RFX7: variants seen among roughly 807,000 people sequenced by gnomAD.
RFX7 encodes DNA-binding protein RFX7.
Under a neutral mutation model 111.8 loss-of-function variants are expected in RFX7, and 26 were observed. The observed-to-expected ratio is 0.23, with a 90% CI of 0.17 to 0.32. The LOEUF (loss-of-function observed/expected upper bound fraction) is 0.32, where lower values mean the gene tolerates loss of function less well. Among genes scored for constraint, RFX7 ranks in the 10% least tolerant of loss-of-function variants. The probability of loss-of-function intolerance (pLI) is 1.00; values close to 1 mark genes in which losing one functional copy is unlikely to be tolerated. For missense variants in RFX7, 1,573 were observed against 1,772.9 expected (o/e 0.89, Z 2.02); for synonymous variants, 624 against 624.4 (o/e 1.00, Z 0.01).
chr15:56,227,462 G>C (rs1338952036), intron 2 of RFX7, among the ~76,000 whole-genome samples: 1 of 152,218 alleles, frequency 6.6e-6, no homozygotes, highest in South Asian at 2.1e-4. Context: ...TTCTGAATTT[G>C]AGCATTTTAT....
chr15:56,137,506 T>C (rs545665207), intron 5 of RFX7, among the ~76,000 whole-genome samples: 1 of 152,328 alleles, frequency 6.6e-6, no homozygotes, highest in East Asian at 1.9e-4. Context: ...TCTTCTCTCT[T>C]TTTTTCTTAT....
intron 2 of RFX7, among the ~76,000 whole-genome samples, chr15:56,205,731 A>G (rs2043243504): frequency 6.6e-6 from 1 of 152,188 alleles, no homozygotes; most frequent in Admixed American, 6.5e-5. Flanking sequence ...TTAGTGAAGC[A>G]TGACTAAGAA....
chr15:56,097,266 T>C (rs768844216), intron 9 of RFX7, among the ~76,000 whole-genome samples: 1 of 152,196 alleles, frequency 6.6e-6, no homozygotes, highest in African/African-American at 2.4e-5. Flanking sequence ...TTGTGTGAGA[T>C]AGGAAAGGAG....
At chr15:56,176,887 G>A (rs2042908827) in intron 3 of RFX7, among the ~76,000 whole-genome samples, 1 of 151,380 alleles carries the variant, frequency 6.6e-6, no homozygotes, top group South Asian at 2.1e-4. Context: ...TAATTTTCCT[G>A]CTTTTACTCA....
intron 5 of RFX7, among the ~76,000 whole-genome samples, chr15:56,112,787 T>C (rs746886175): frequency 1.3e-5 from 2 of 151,934 alleles, no homozygotes; most frequent in African/African-American, 2.4e-5. Flanking sequence ...AGAATTTACA[T>C]GGGACTTAAA....
At chr15:56,165,203 C>G (rs2042769509) in intron 3 of RFX7, among the ~76,000 whole-genome samples, 1 of 152,220 alleles carries the variant, frequency 6.6e-6, no homozygotes, top group Non-Finnish European at 1.5e-5. Flanking sequence ...TGCTCACTTA[C>G]TGCTGTGTGG....
chr15:56,095,080 G>T lies in RFX7; in HGVS notation c.2648C>A (p.Thr883Lys). ...CAGCTCTTCCACAATACTATCTTGT[G>T]TAAGTTCATCATCAAAAGGAAAGTA... ...ESYFPFDDEL[T>K]QDSIVEELVL... The change falls in exon 10 of 10, where the codon ACA becomes AAA. Residue 883 changes from threonine to lysine, a missense_variant. Thr to Lys is a moderately conservative substitution (Grantham distance 78). Coordinates refer to ENST00000559447, the MANE Select transcript of RFX7 (RefSeq NM_022841.7). The T allele has an allele frequency of 6.2e-7, 1 of 1,613,912 alleles. No homozygotes were observed. Among genetic ancestry groups the T allele is most frequent in the Non-Finnish European group, 8.5e-7 (1 of 1,179,856 alleles).
At chr15:56,235,798 T>C (rs551246935) in intron 2 of RFX7, among the ~76,000 whole-genome samples, 2 of 152,336 alleles carry the variant, frequency 1.3e-5, no homozygotes, top group South Asian at 4.1e-4. Flanking sequence ...CGTGTTGGAA[T>C]GGGTGTAAAG....
chr15:56,109,975 C>T (rs1242994921), intron 5 of RFX7, among the ~76,000 whole-genome samples: 18 of 141,170 alleles, frequency 1.3e-4, no homozygotes, highest in Admixed American at 1.2e-3. Context: ...GGGGGATCAG[C>T]CCCCTGCCCG....
chr15:56,127,079 A>G (rs2042153970), intron 5 of RFX7, among the ~76,000 whole-genome samples: 1 of 152,170 alleles, frequency 6.6e-6, no homozygotes, highest in Non-Finnish European at 1.5e-5. Flanking sequence ...TGCATATGGA[A>G]TATTCTCCAG....
At chr15:56,243,073 C>T (rs2043726539) in intron 2 of RFX7, 52 bp downstream of exon 2, 2 of 776,506 alleles carry the variant, frequency 2.6e-6, no homozygotes, top group African/African-American at 3.6e-5. Context: ...ACCCACTTTG[C>T]AGCAGAAATG....
chr15:56,126,887 A>C (rs763071663), intron 5 of RFX7, among the ~76,000 whole-genome samples: 2 of 152,278 alleles, frequency 1.3e-5, no homozygotes, highest in African/African-American at 2.4e-5. Flanking sequence ...AAACACACAA[A>C]AAAGACAATT....
chr15:56,243,113 G>A lies in RFX7; in HGVS notation c.161+12C>T. 2.2e-6 allele frequency: 3 copies of A among 1,361,514 alleles called. No individual in the cohort carries two copies. The highest frequency in any genetic ancestry group is 9.8e-7 in the Non-Finnish European group (1 of 1,019,610). The allele number at this position is 1,361,514 out of a possible 1,614,324, so 84.3% of individuals were successfully genotyped here. A position where few individuals can be genotyped will look rare whatever the true frequency, so the allele number is the denominator to read the frequency against. On this transcript the variant is annotated intron_variant, in intron 2 of 9. Coordinates refer to ENST00000559447, the MANE Select transcript of RFX7 (RefSeq NM_022841.7). ...TGGGCTTTTTCACGCGAGCGATGGA[G>A]GATCCTCTTACCAGATGGAGTTCTT...
At chr15:56,220,305 A>C (rs1421818159) in intron 2 of RFX7, among the ~76,000 whole-genome samples, 2 of 152,032 alleles carry the variant, frequency 1.3e-5, no homozygotes, top group Admixed American at 1.3e-4. Context: ...ATCTCGGCTC[A>C]CTGCAACCTC....
intron 3 of RFX7, among the ~76,000 whole-genome samples, chr15:56,159,643 G>T (rs1279814361): frequency 1.3e-5 from 2 of 152,238 alleles, no homozygotes; most frequent in East Asian, 3.9e-4. Context: ...AACAAAATGG[G>T]TAACTTTTCA....
At chr15:56,146,555 C>T (rs544147916) in intron 3 of RFX7, among the ~76,000 whole-genome samples, 5 of 151,778 alleles carry the variant, frequency 3.3e-5, no homozygotes, top group African/African-American at 1.2e-4. Context: ...TTGGAGAAAC[C>T]TTGGATTCTA....
intron 5 of RFX7, among the ~76,000 whole-genome samples, chr15:56,136,074 GA>G (rs1400126349): frequency 2.6e-5 from 4 of 152,130 alleles, no homozygotes; most frequent in African/African-American, 9.7e-5. Flanking sequence ...TGTTCTTTTG[GA>G]TTAGGATTGA....
At chr15:56,147,696 T>C (rs1595965766) in intron 3 of RFX7, among the ~76,000 whole-genome samples, 1 of 151,980 alleles carries the variant, frequency 6.6e-6, no homozygotes, top group Non-Finnish European at 1.5e-5. Context: ...GACTCAGCCT[T>C]CCGAGCAGCT....
intron 2 of RFX7, among the ~76,000 whole-genome samples, chr15:56,218,233 C>A (rs1157704049): frequency 7.7e-6 from 1 of 129,986 alleles, no homozygotes; most frequent in African/African-American, 3.0e-5. Flanking sequence ...CGGCTCACTG[C>A]AACCTCTGCC....
Sources: allele counts gnomAD v4.1 joint callset (sites outside exome capture counted in the v4.1 genomes callset), GRCh38; gene constraint gnomAD v4.1.1; transcripts MANE v1.5; gene names NCBI Gene and HGNC (gene_info 2026-07-23, HGNC 2026-07-21).